The following CDH18 variants were observed in gnomAD, a reference collection of about 807,000 sequenced individuals.
CDH18 encodes cadherin-18.
A neutral mutation model predicts 67.9 loss-of-function variants in CDH18; 31 were observed. That is an observed-to-expected ratio of 0.46 (90% CI 0.34 to 0.62). The LOEUF (loss-of-function observed/expected upper bound fraction) is 0.62. CDH18 is among the 20% of genes least tolerant of loss of function. The pLI is 0.01. For missense variants in CDH18, 890 were observed against 975.5 expected (o/e 0.91, Z 1.17); for synonymous variants, 362 against 347.2 (o/e 1.04, Z -0.48).
At chr5:20,015,425 G>A (rs777513932) in intron 2 of CDH18, among the ~76,000 whole-genome samples, 17 of 152,060 alleles carry the variant, frequency 1.1e-4, no homozygotes, top group Non-Finnish European at 2.2e-4. Context: ...TCAGAGCAGC[G>A]GTTATGCATA....
rs1383938877 is a variant in CDH18 at position 19,486,873 on chromosome 5, C to T, written c.1631-3321G>A. The stretch of plus-strand genomic sequence containing the variant: ...AATGAATAAGAAAAATTAATATAGG[C>T]TGAATAAAGAGAAAACATAGCATGA... On this transcript the variant is annotated intron_variant, in intron 11 of 12. Coordinates refer to ENST00000382275, the MANE Select transcript of CDH18 (RefSeq NM_004934.5). 4.6e-5 allele frequency among the ~76,000 whole-genome samples: 7 copies of T among 151,982 alleles called. No homozygotes were observed. The East Asian group carries it at 1.4e-3, about 29-fold the overall frequency.
chr5:20,562,113 G>C (rs1205013303), intron 1 of CDH18, among the ~76,000 whole-genome samples: 3 of 151,562 alleles, frequency 2.0e-5, no homozygotes, highest in Non-Finnish European at 4.4e-5. Context: ...AAAAACCAGA[G>C]ATCTATAATA....
rs113083917 is a variant in CDH18 at position 19,934,162 on chromosome 5, A to G, written c.-257+46898T>C. ...TACAATAAATAAGAGTAGAAAGGAA[A>G]GAAGGAAACAAAAGACAGAAAGAGA... On this transcript the variant is annotated intron_variant, in intron 2 of 12. Coordinates refer to ENST00000382275, the MANE Select transcript of CDH18 (RefSeq NM_004934.5). 3.1e-3 allele frequency among the ~76,000 whole-genome samples: 471 copies of G among 151,530 alleles called. 7 individuals carry two copies. The highest frequency in any genetic ancestry group is 9.1e-3 in the African/African-American group (377 of 41,468).
intron 6 of CDH18, among the ~76,000 whole-genome samples, chr5:19,592,637 C>A (rs1267553301): frequency 6.6e-6 from 1 of 152,040 alleles, no homozygotes; most frequent in Non-Finnish European, 1.5e-5. Flanking sequence ...AAAGTCTAAT[C>A]TAGTGAATGT....
At chr5:19,626,547 G>A (rs1458191494) in intron 5 of CDH18, among the ~76,000 whole-genome samples, 1 of 151,994 alleles carries the variant, frequency 6.6e-6, no homozygotes, top group Admixed American at 6.6e-5. Flanking sequence ...ATGAAGAGTG[G>A]CCTTGGATTC....
At chr5:20,070,947 AAT>A (rs1743430528) in intron 2 of CDH18, among the ~76,000 whole-genome samples, 1 of 152,190 alleles carries the variant, frequency 6.6e-6, no homozygotes, top group African/African-American at 2.4e-5. Flanking sequence ...CTATTTTAGA[AAT>A]ATTTCCTACC....
chr5:19,857,324 T>G (rs1414565314), intron 2 of CDH18, among the ~76,000 whole-genome samples: 1 of 151,930 alleles, frequency 6.6e-6, no homozygotes, highest in Admixed American at 6.6e-5. Context: ...TTAAACAGTG[T>G]GATTTTGTGT....
rs377005320 is a variant in CDH18, at chr5:19,846,538, T to C, written c.-256-7296A>G. Among the ~76,000 whole-genome samples the C allele has an allele frequency of 7.6e-4, 115 of 152,230 alleles. 1 individual carries two copies. The South Asian group carries it at 0.023, about 30-fold the overall frequency. ...TAGATTTTTAACTATAAAGTTCTAT[T>C]TATTAGTGGACGTTTTTCAGCCCAT... On this transcript the variant is annotated intron_variant, in intron 2 of 12. Transcript: ENST00000382275.
chr5:20,046,684 A>G (rs989677324), intron 2 of CDH18, among the ~76,000 whole-genome samples: 8 of 149,934 alleles, frequency 5.3e-5, no homozygotes, highest in African/African-American at 1.5e-4. Flanking sequence ...GTGTATATAT[A>G]TATCTCTATA....
chr5:20,509,652 C>G (rs953440669), intron 1 of CDH18, among the ~76,000 whole-genome samples: 4 of 3,624 alleles, frequency 1.1e-3, no homozygotes, highest in African/African-American at 2.4e-3. Flanking sequence ...ATCTCCTGAC[C>G]TTGTGATCCG....
At chr5:20,122,671 G>A (rs964307648) in intron 2 of CDH18, among the ~76,000 whole-genome samples, 4 of 151,290 alleles carry the variant, frequency 2.6e-5, no homozygotes, top group Non-Finnish European at 1.5e-5. Flanking sequence ...TATTCCTACT[G>A]GTTTAGATGA....
chr5:19,537,525 C>T (rs948322096), intron 9 of CDH18, among the ~76,000 whole-genome samples: 1 of 152,066 alleles, frequency 6.6e-6, no homozygotes, highest in Non-Finnish European at 1.5e-5. Flanking sequence ...AATCCTAATA[C>T]ACAAATTCAG....
Position 20,407,993 on chromosome 5 carries a change from A to G in CDH18, c.-579-152488T>C, listed in dbSNP as rs1415507132. On this transcript the variant is annotated intron_variant, in intron 1 of 14. Transcript: ENST00000507958. ...TAAAGTATCAATAGTCAAAGATAAG[A>G]AGATATATTTGAAAGCAACAAGAAA... 1.5e-4 allele frequency among the ~76,000 whole-genome samples: 23 copies of G among 152,036 alleles called. 1 individual carries two copies.
At chr5:19,535,086 G>A (rs1231532386) in intron 9 of CDH18, among the ~76,000 whole-genome samples, 1 of 152,094 alleles carries the variant, frequency 6.6e-6, no homozygotes, top group East Asian at 1.9e-4. Flanking sequence ...GAATACCTCT[G>A]AACCTGAATA....
intron 1 of CDH18, among the ~76,000 whole-genome samples, chr5:20,360,643 AG>A (rs1403787560): frequency 1.4e-4 from 21 of 152,198 alleles, no homozygotes; most frequent in African/African-American, 4.8e-4. Flanking sequence ...TCATCACAAT[AG>A]TTGGGTGTGT....
chr5:19,945,592 A>G (rs903805839), intron 2 of CDH18, among the ~76,000 whole-genome samples: 10 of 152,220 alleles, frequency 6.6e-5, no homozygotes, highest in African/African-American at 2.4e-4. Flanking sequence ...TAAAACAGGC[A>G]TAATGAAAAT....
Position 20,519,942 on chromosome 5 carries a change from C to CTTTTTTTTTTTTTTT in CDH18, c.-580+55505_-580+55519dup, listed in dbSNP as rs777265512. Among the ~76,000 whole-genome samples the CTTTTTTTTTTTTTTT allele has an allele frequency of 1.3e-3, 55 of 41,688 alleles. 19 individuals carry two copies. The highest frequency in any genetic ancestry group is 1.7e-3 in the African/African-American group (19 of 11,260). The allele number at this position is 41,688 out of a possible 152,430, so 27.3% of individuals were successfully genotyped here. On this transcript the variant is annotated intron_variant, in intron 1 of 14. Transcript: ENST00000507958. ...AGGCTGGAGTACAACACAGTCTTGGCTTTTTTTTTTTTTTTTTTTTTTTTT... is the reference window on the plus strand; with the variant it reads ...AGGCTGGAGTACAACACAGTCTTGGCTTTTTTTTTTTTTTTTTTTTTTTTTTTTTTTTTTTTTTTT...
intron 5 of CDH18, among the ~76,000 whole-genome samples, chr5:19,667,654 CAGAT>C: frequency 6.6e-6 from 1 of 151,002 alleles, no homozygotes; most frequent in South Asian, 2.1e-4. Flanking sequence ...CCAATTTAAA[CAGAT>C]AAAATTACAC....
intron 1 of CDH18, among the ~76,000 whole-genome samples, chr5:20,555,922 C>A (rs553472580): frequency 6.6e-6 from 1 of 152,254 alleles, no homozygotes; most frequent in East Asian, 1.9e-4. Context: ...AATCCATTAT[C>A]CTCACTGCTT....
Sources: allele counts gnomAD v4.1 joint callset (sites outside exome capture counted in the v4.1 genomes callset), GRCh38; gene constraint gnomAD v4.1.1; transcripts MANE v1.5; gene names NCBI Gene and HGNC (gene_info 2026-07-23, HGNC 2026-07-21).